Variants in VPS53 observed in about 807,000 individuals in gnomAD.
VPS53 encodes vacuolar protein sorting-associated protein 53 homolog.
In VPS53, 70 loss-of-function variants were observed where a neutral mutation model predicts 107.0. That is an observed-to-expected ratio of 0.65 (90% confidence interval 0.54 to 0.80). VPS53 has a LOEUF of 0.80. Ranked by LOEUF, VPS53 falls within the 30% of genes least tolerant of loss-of-function variation. The probability of loss-of-function intolerance (pLI) is 0.00; values close to 1 mark genes in which losing one functional copy is unlikely to be tolerated. For synonymous variants in VPS53, 409 were observed against 393.3 expected, an observed-to-expected ratio of 1.04 and a Z score of -0.47; for missense variants, 917 against 1,049.4, an observed-to-expected ratio of 0.87 and a Z score of 1.74.
chr17:565,926 G>A (rs1597310804), intron 13 of VPS53, among the ~76,000 whole-genome samples: 1 of 152,160 alleles, frequency 6.6e-6, no homozygotes, highest in Admixed American at 6.5e-5. Flanking sequence ...ATAACCGGCC[G>A]GGCGCGGTGG....
intron 4 of VPS53, among the ~76,000 whole-genome samples, chr17:667,001 G>C (rs1236931818): frequency 2.0e-5 from 3 of 152,194 alleles, no homozygotes; most frequent in Admixed American, 6.5e-5. Context: ...TCTCAATGCA[G>C]TCAAGGGAAT....
intron 9 of VPS53, 105 bp from the exon 10 acceptor site, chr17:627,421 T>G: frequency 2.3e-6 from 3 of 1,314,202 alleles, no homozygotes; most frequent in Non-Finnish European, 3.1e-6. Context: ...AACCAACCTC[T>G]GTATTTCTCA....
At chr17:630,223 C>T (rs1246971209) in intron 8 of VPS53, among the ~76,000 whole-genome samples, 1 of 151,330 alleles carries the variant, frequency 6.6e-6, no homozygotes, top group African/African-American at 2.4e-5. Flanking sequence ...ACCCAGGGGG[C>T]GGAGGTTGCA....
chr17:553,724 C>T (rs1912084050), intron 15 of VPS53, among the ~76,000 whole-genome samples: 1 of 151,920 alleles, frequency 6.6e-6, no homozygotes, highest in Non-Finnish European at 1.5e-5. Context: ...GCGTGCGCTA[C>T]CACACCCGGC....
intron 19 of VPS53, among the ~76,000 whole-genome samples, chr17:531,773 CTTT>C (rs71145747): frequency 1.2e-5 from 1 of 86,682 alleles, no homozygotes; most frequent in Non-Finnish European, 2.1e-5. Flanking sequence ...GGGATTTATT[CTTT>C]TTTTTTTTTT....
At chr17:661,520 C>CAAAAA (rs10666256) in intron 5 of VPS53, among the ~76,000 whole-genome samples, 1 of 109,248 alleles carries the variant, frequency 9.2e-6, no homozygotes, top group Non-Finnish European at 1.8e-5. Context: ...GACTCCATCT[C>CAAAAA]AAAAAAAAAA....
intron 4 of VPS53, among the ~76,000 whole-genome samples, chr17:665,612 G>A (rs928104413): frequency 1.3e-5 from 2 of 152,176 alleles, no homozygotes; most frequent in Non-Finnish European, 2.9e-5. Context: ...GAGTGCTAAG[G>A]GGGATTCTGC....
In VPS53 at chr17:560,073, C is replaced by G. The variant is rs550901442; in HGVS notation, c.1704+353G>C. Among the ~76,000 whole-genome samples the G allele has an allele frequency of 2.6e-5, 4 of 152,256 alleles. No individual in the cohort carries two copies. In the East Asian group the frequency reaches 7.7e-4, roughly 29 times the overall value. Reference sequence around the variant, plus strand: ...CATGGAATAACTGGCTGTGACTCATCATCACCAAAGGCTGGGTCCTAGCAC... The same window carrying G: ...CATGGAATAACTGGCTGTGACTCATGATCACCAAAGGCTGGGTCCTAGCAC... On this transcript the variant is annotated intron_variant, in intron 15 of 21. Transcript: ENST00000437048.
chr17:597,693 C>G (rs1968041649), intron 12 of VPS53, among the ~76,000 whole-genome samples: 1 of 152,046 alleles, frequency 6.6e-6, no homozygotes, highest in African/African-American at 2.4e-5. Context: ...CAGGCATGCA[C>G]CACCACGCCC....
At chr17:535,537 C>G (rs1274161104) in intron 18 of VPS53, among the ~76,000 whole-genome samples, 1 of 152,138 alleles carries the variant, frequency 6.6e-6, no homozygotes, top group Non-Finnish European at 1.5e-5. Flanking sequence ...CTGGGAGACG[C>G]TGGGACTGGC....
At chr17:709,722 C>T (rs1312893869) in intron 2 of VPS53, among the ~76,000 whole-genome samples, 2 of 152,196 alleles carry the variant, frequency 1.3e-5, no homozygotes, top group Admixed American at 1.3e-4. Flanking sequence ...TCTCACTGCC[C>T]TTCTCCCAAC....
chr17:617,119 G>A (rs997560399), intron 11 of VPS53, among the ~76,000 whole-genome samples: 7 of 152,196 alleles, frequency 4.6e-5, no homozygotes, highest in Non-Finnish European at 8.8e-5. Context: ...AGCCTGTCCT[G>A]ATGCTCTCCG....
intron 20 of VPS53, 76 bp downstream of exon 20, chr17:521,525 C>G: frequency 6.9e-7 from 1 of 1,452,666 alleles, no homozygotes. Context: ...AGGACCTACC[C>G]TGTGCTTTCA....
At position 562,629 on chromosome 17, in the gene VPS53, T is replaced by C. The variant is rs748349628; in HGVS notation, c.1430A>G (p.Tyr477Cys). ...GCATTGCACCATGCACTTCTTGTAG[T>C]AGACAAAGAGGTCGGCGCAGCTGGG... Reference protein sequence around the residue: ...VLPSCADLFVYYKKCMVQCSQ... With the variant: ...VLPSCADLFVCYKKCMVQCSQ... Residue 477 changes from tyrosine to cysteine, a missense_variant, in exon 14 of 22, where the codon TAC (tyrosine) becomes TGC (cysteine). Physicochemically the swap from Tyr to Cys is radical, Grantham distance 194. Transcript: ENST00000437048. 21 of 1,613,818 alleles carry C rather than the reference T, an allele frequency of 1.3e-5. No individual in the cohort carries two copies. The highest frequency in any genetic ancestry group is 2.7e-5 in the African/African-American group (2 of 74,874).
At chr17:697,505 TAC>T (rs765591830) in intron 3 of VPS53, 21 bp from the exon 4 acceptor site, 20 of 1,584,802 alleles carry the variant, frequency 1.3e-5, no homozygotes, top group African/African-American at 9.4e-5. Context: ...AGTTCAAGGA[TAC>T]AGTCATTCAA....
At chr17:591,139 C>G (rs1967623449) in intron 12 of VPS53, among the ~76,000 whole-genome samples, 2 of 152,180 alleles carry the variant, frequency 1.3e-5, no homozygotes, top group African/African-American at 4.8e-5. Flanking sequence ...TTATCCATTT[C>G]TTCTAGATTT....
chr17:640,986 C>G (rs927829863), intron 7 of VPS53, among the ~76,000 whole-genome samples: 43 of 152,102 alleles, frequency 2.8e-4, no homozygotes, highest in Non-Finnish European at 5.1e-4. Context: ...TCCCAAGTAG[C>G]TGGGATTACA....
At chr17:641,719 T>C (rs1970430322) in intron 7 of VPS53, among the ~76,000 whole-genome samples, 1 of 152,214 alleles carries the variant, frequency 6.6e-6, no homozygotes. Flanking sequence ...CCTCCCAAAG[T>C]GCTAGGATTA....
chr17:639,488 G>C (rs1453704458), intron 7 of VPS53, among the ~76,000 whole-genome samples: 2 of 152,150 alleles, frequency 1.3e-5, no homozygotes, highest in East Asian at 1.9e-4. Context: ...AGGGGGAGAG[G>C]TGCTCTGATT....
Sources: allele counts gnomAD v4.1 joint callset (sites outside exome capture counted in the v4.1 genomes callset), GRCh38; gene constraint gnomAD v4.1.1; transcripts MANE v1.5; gene names NCBI Gene and HGNC (gene_info 2026-07-23, HGNC 2026-07-21).